The following TMCC3 variants were observed in gnomAD, a reference collection of about 807,000 sequenced individuals.
TMCC3 encodes the protein transmembrane and coiled-coil domain protein 3.
A neutral mutation model predicts 40.2 loss-of-function variants in TMCC3; 28 were observed. The ratio of observed to expected loss-of-function variants is 0.70; its 90% CI spans 0.52 to 0.95. TMCC3 has a LOEUF of 0.95. TMCC3 is among the 40% of genes least tolerant of loss of function. The pLI, the probability that TMCC3 is intolerant of heterozygous loss-of-function variation, is 0.00. For missense variants in TMCC3, 554 were observed against 615.2 expected (o/e 0.90, Z 1.05); for synonymous variants, 255 against 248.5 (o/e 1.03, Z -0.25).
At chr12:94,641,752 T>A (rs931774188) in intron 1 of TMCC3, among the ~76,000 whole-genome samples, 17 of 152,128 alleles carry the variant, frequency 1.1e-4, no homozygotes, top group Admixed American at 9.2e-4. Context: ...TGGGTTGAAT[T>A]CTAAGTCAAA....
chr12:94,620,021 G>A (rs2068867192), intron 1 of TMCC3, among the ~76,000 whole-genome samples: 1 of 151,946 alleles, frequency 6.6e-6, no homozygotes, highest in African/African-American at 2.4e-5. Context: ...AAATTAGCTG[G>A]GCGTGGTGGC....
At chr12:94,643,709 A>G (rs1000404988) in intron 1 of TMCC3, among the ~76,000 whole-genome samples, 4 of 152,234 alleles carry the variant, frequency 2.6e-5, no homozygotes, top group Non-Finnish European at 4.4e-5. Flanking sequence ...AGAGCACACA[A>G]TTAGGGTAAG....
intron 1 of TMCC3, among the ~76,000 whole-genome samples, chr12:94,648,294 C>T (rs2138891690): frequency 6.6e-6 from 1 of 152,248 alleles, no homozygotes; most frequent in East Asian, 1.9e-4. Flanking sequence ...CTGACGCGAT[C>T]TCGGTTCACT....
rs1487017969 is a variant in TMCC3 at position 94,598,744 on chromosome 12, G to C, written c.79-16206C>G. ...AGACGTTTAAAGGCTCCAAAGATTCGTGTTTCAGGCAGAGAACAGTCCTCC... is the reference window on the plus strand; with the variant it reads ...AGACGTTTAAAGGCTCCAAAGATTCCTGTTTCAGGCAGAGAACAGTCCTCC... On this transcript the variant is annotated intron_variant, in intron 1 of 3. Coordinates refer to ENST00000261226, the MANE Select transcript of TMCC3 (RefSeq NM_020698.4). 3 of 985,270 alleles carry C rather than the reference G, an allele frequency of 3.0e-6. No individual in the cohort carries two copies. The African/African-American group carries it at 5.2e-5, about 17-fold the overall frequency. 61.0% of individuals were successfully genotyped at this position (985,270 alleles called of 1,614,324 possible).
chr12:94,608,540 C>G (rs2068796640), intron 1 of TMCC3, among the ~76,000 whole-genome samples: 1 of 152,112 alleles, frequency 6.6e-6, no homozygotes, highest in Non-Finnish European at 1.5e-5. Context: ...GACCATGCAG[C>G]AATCTAACTC....
chr12:94,625,593 C>CA (rs540684724), intron 1 of TMCC3, among the ~76,000 whole-genome samples: 48,640 of 104,728 alleles, frequency 0.46, 10,654 homozygotes, highest in Non-Finnish European at 0.52. Flanking sequence ...GACTCCATCT[C>CA]AAAAAAAAAA....
intron 1 of TMCC3, among the ~76,000 whole-genome samples, chr12:94,648,296 C>T (rs1287828108): frequency 6.6e-6 from 1 of 152,080 alleles, no homozygotes; most frequent in Non-Finnish European, 1.5e-5. Flanking sequence ...GACGCGATCT[C>T]GGTTCACTGC....
At chr12:94,579,221 C>A (rs572191021) in intron 2 of TMCC3, among the ~76,000 whole-genome samples, 68 of 152,264 alleles carry the variant, frequency 4.5e-4, no homozygotes, top group African/African-American at 1.6e-3. Context: ...ATATTTGAAA[C>A]CTTAGCTGGG....
intron 1 of TMCC3, among the ~76,000 whole-genome samples, chr12:94,641,432 C>G (rs1268562427): frequency 6.6e-6 from 1 of 152,118 alleles, no homozygotes; most frequent in East Asian, 1.9e-4. Context: ...CCACATTTTA[C>G]TCCCCGGCTG....
At chr12:94,577,159 C>T (rs770542110) in intron 3 of TMCC3, among the ~76,000 whole-genome samples, 7 of 152,270 alleles carry the variant, frequency 4.6e-5, no homozygotes, top group African/African-American at 1.7e-4. Context: ...TAATTTCTTA[C>T]AAATACGAAT....
chr12:94,635,696 G>T (rs576323640), intron 1 of TMCC3, among the ~76,000 whole-genome samples: 1 of 131,650 alleles, frequency 7.6e-6, no homozygotes, highest in African/African-American at 2.9e-5. Flanking sequence ...GACGGAGTCT[G>T]GCTCTGTTGC....
rs181184058 is a variant in TMCC3, at chr12:94,586,630, C to T, written c.79-4092G>A. ...GTTTTCATATTTTACCTTACCAAAC[C>T]GAGCAGTAAATAAACACCTGTTCTT... is the stretch of plus-strand genomic sequence containing the variant. On this transcript the variant is annotated intron_variant, in intron 1 of 3. Transcript: ENST00000261226. 2.2e-3 allele frequency among the ~76,000 whole-genome samples: 320 copies of T among 148,278 alleles called. 1 individual carries two copies. Among genetic ancestry groups the T allele is most frequent in the African/African-American group, 7.7e-3 (292 of 37,998 alleles).
chr12:94,649,907 C>G (rs1158968626), intron 1 of TMCC3, among the ~76,000 whole-genome samples: 2 of 152,232 alleles, frequency 1.3e-5, no homozygotes, highest in Admixed American at 1.3e-4. Flanking sequence ...TCCGGCCACA[C>G]GCCCCGAGGA....
chr12:94,638,031 G>GT (rs2068970332), intron 1 of TMCC3, among the ~76,000 whole-genome samples: 1 of 152,224 alleles, frequency 6.6e-6, no homozygotes, highest in South Asian at 2.1e-4. Flanking sequence ...GGAGACCGGA[G>GT]TTCAAGGACC....
chr12:94,638,098 G>A (rs1025309539), intron 1 of TMCC3, among the ~76,000 whole-genome samples: 4 of 152,202 alleles, frequency 2.6e-5, no homozygotes, highest in African/African-American at 9.6e-5. Context: ...AAGAAGCTGG[G>A]CTTCTGTCCT....
intron 1 of TMCC3, among the ~76,000 whole-genome samples, chr12:94,620,438 C>T (rs2068870065): frequency 6.6e-6 from 1 of 151,806 alleles, no homozygotes; most frequent in African/African-American, 2.4e-5. Flanking sequence ...CAGGAGCCCA[C>T]CACCATGCCC....
At position 94,620,357 on chromosome 12, in the gene TMCC3, G is replaced by A. The variant is rs147743154; in HGVS notation, c.78+29996C>T. 3.0e-3 allele frequency among the ~76,000 whole-genome samples: 454 copies of A among 150,372 alleles called. 4 individuals carry two copies. The highest frequency in any genetic ancestry group is 9.9e-3 in the African/African-American group (404 of 40,922). On this transcript the variant is annotated intron_variant, in intron 1 of 3. Transcript: ENST00000261226. ...GGCTGGAGTGTAATGGCGCGATCTCGGCTCACTGCAACCTTCGCCTCCCAA... is the reference window on the plus strand; with the variant it reads ...GGCTGGAGTGTAATGGCGCGATCTCAGCTCACTGCAACCTTCGCCTCCCAA...
chr12:94,647,622 A>G (rs1285899111), intron 1 of TMCC3, among the ~76,000 whole-genome samples: 1 of 152,188 alleles, frequency 6.6e-6, no homozygotes. Context: ...TTCTTTTTAA[A>G]TCCTATACTA....
chr12:94,632,437 G>A (rs12308339), intron 1 of TMCC3, among the ~76,000 whole-genome samples: 32,800 of 152,080 alleles, frequency 0.22, 5,266 homozygotes, highest in African/African-American at 0.45. Flanking sequence ...TAAAATTAAA[G>A]TACACAAACT....
Sources: gnomAD v4.1 joint callset for allele counts (sites outside exome capture counted in the v4.1 genomes callset) on GRCh38, gnomAD v4.1.1 for gene constraint, MANE v1.5 for transcripts, NCBI Gene and HGNC (gene_info 2026-07-23, HGNC 2026-07-21) for gene names.